Variants in SH3D21 observed in about 807,000 individuals in gnomAD.
SH3D21 encodes SH3 domain-containing protein 21.
In SH3D21, 83 loss-of-function variants were observed where a neutral mutation model predicts 82.1. That is an observed-to-expected ratio of 1.01 (90% CI 0.85 to 1.21). The LOEUF is 1.21. Among genes scored for constraint, SH3D21 ranks in the 50% most tolerant of loss-of-function variants. The probability of loss-of-function intolerance (pLI) is 0.00; values close to 1 mark genes in which losing one functional copy is unlikely to be tolerated. For missense variants in SH3D21, 980 were observed against 962.1 expected (o/e 1.02, Z -0.25); for synonymous variants, 383 against 387.8 (o/e 0.99, Z 0.15).
chr1:36,310,299 A>G (rs960456587), intron 10 of SH3D21, among the ~76,000 whole-genome samples: 2 of 152,202 alleles, frequency 1.3e-5, no homozygotes, highest in Non-Finnish European at 2.9e-5. Context: ...AAAAGTATAT[A>G]TAACACATAT....
chr1:36,329,079 C>T (rs1314559525), downstream of SH3D21: 1 of 152,288 alleles, frequency 6.6e-6, no homozygotes, highest in African/African-American at 2.4e-5. Flanking sequence ...CCCAAAGCTG[C>T]CTTTTCATAA....
At chr1:36,330,115 G>A (rs372766960), downstream of SH3D21, among the ~76,000 whole-genome samples, 1 of 152,074 alleles carries the variant, frequency 6.6e-6, no homozygotes, top group Admixed American at 6.6e-5. Context: ...CCCCCAACTC[G>A]GTTCACACAC....
downstream of SH3D21, chr1:36,322,078 G>T: frequency 7.4e-7 from 1 of 1,344,778 alleles, no homozygotes; most frequent in Non-Finnish European, 9.5e-7. Context: ...CCTCTTCATC[G>T]ACCCCAGAGA....
At chr1:36,328,508 C>A (rs192376154), downstream of SH3D21, 1 of 250,982 alleles carries the variant, frequency 4.0e-6, no homozygotes, top group Admixed American at 4.8e-5. Context: ...TGGTGGCTCA[C>A]GTCTGTAATC....
In SH3D21 at chr1:36,319,542, G is replaced by A. The variant is rs1486044605; in HGVS notation, c.1011+6G>A. 9 of 1,551,608 alleles carry A rather than the reference G, an allele frequency of 5.8e-6. No individual in the cohort carries two copies. The African/African-American group carries it at 8.2e-5, about 14-fold the overall frequency. ...AACGCTCTGTGTCCAGTCAGGTGAG[G>A]GGCGGGAGACATGGGAGAGTGGGGA... is the stretch of plus-strand genomic sequence containing the variant. On this transcript the variant is annotated splice_donor_region_variant and intron_variant, in intron 13 of 15. Transcript: ENST00000453908.
chr1:36,326,388 C>T (rs1180128051), downstream of SH3D21, among the ~76,000 whole-genome samples: 1 of 152,076 alleles, frequency 6.6e-6, no homozygotes, highest in African/African-American at 2.4e-5. Flanking sequence ...TGCACAACCA[C>T]ACCCTGCTAA....
downstream of SH3D21, chr1:36,323,101 G>T: frequency 6.4e-7 from 1 of 1,552,810 alleles, no homozygotes; most frequent in South Asian, 1.2e-5. Flanking sequence ...CCTTCTCCCA[G>T]CCTGGAGCCC....
Position 36,319,920 on chromosome 1 carries a change from G to T in SH3D21, c.1257G>T (p.Met419Ile). Residue 419 changes from methionine to isoleucine, a missense_variant, in exon 14 of 16, where the codon ATG becomes ATT. By Grantham distance (10) the Met-to-Ile change is conservative (BLOSUM62 1). Coordinates refer to ENST00000453908, the MANE Select transcript of SH3D21 (RefSeq NM_001162530.2). The stretch of plus-strand genomic sequence containing the variant: ...ACAAAGTCCCCACCCCAGAGAAGAT[G>T]GTGACTCCGGAGGACAAGGCTTCTA... The part of the protein sequence containing the change: ...APDKVPTPEK[M>I]VTPEDKASIP... The T allele has an allele frequency of 6.2e-7, 1 of 1,613,968 alleles. No homozygotes were observed. Among genetic ancestry groups the T allele is most frequent in the Non-Finnish European group, 8.5e-7 (1 of 1,179,982 alleles).
At chr1:36,327,686 G>A, downstream of SH3D21, 1 of 1,196,690 alleles carries the variant, frequency 8.4e-7, no homozygotes, top group Non-Finnish European at 1.1e-6. Flanking sequence ...TCAGAGAGAG[G>A]GACGCACATT....
downstream of SH3D21, chr1:36,322,522 G>A (rs1473504985): frequency 6.2e-7 from 1 of 1,600,910 alleles, no homozygotes; most frequent in African/African-American, 1.3e-5. Context: ...GTGTCGTCGG[G>A]GCCCAGCCGA....
At chr1:36,328,226 T>A (rs1646563870), downstream of SH3D21, 2 of 434,026 alleles carry the variant, frequency 4.6e-6, no homozygotes, top group Non-Finnish European at 9.3e-6. Flanking sequence ...GGGAGGGGAC[T>A]TGTGAGTGCT....
At chr1:36,314,213 G>C (rs1469594682) in intron 10 of SH3D21, among the ~76,000 whole-genome samples, 2 of 151,244 alleles carry the variant, frequency 1.3e-5, no homozygotes, top group East Asian at 3.9e-4. Flanking sequence ...CTGACCTCGT[G>C]ATTCACCCGC....
intron 12 of SH3D21, 26 bp downstream of exon 12, chr1:36,319,338 G>A: frequency 1.3e-6 from 2 of 1,550,828 alleles, no homozygotes; most frequent in Non-Finnish European, 1.7e-6. Flanking sequence ...CTCCAGTGCG[G>A]GGAGGACTGG....
chr1:36,309,362 A>G, intron 9 of SH3D21, 186 bp from the exon 10 acceptor site: 1 of 582,082 alleles, frequency 1.7e-6, no homozygotes, highest in Admixed American at 3.0e-5. Flanking sequence ...ACATCCAGCT[A>G]ATTTTTGTAT....
Position 36,307,016 on chromosome 1 carries a change from C to A in SH3D21, c.226+111C>A. ...GCGGCTCTGGGCGGGACCTCGGGGC[C>A]GCCCTGCGGTCTGTGATTGGTTCTC... On this transcript the variant is annotated intron_variant, in intron 3 of 15. Coordinates refer to ENST00000453908, the MANE Select transcript of SH3D21 (RefSeq NM_001162530.2). The surrounding 1 kb of genome is among the most constrained non-coding windows in gnomAD (Gnocchi z 5.4). 1 of 1,423,038 alleles carries A rather than the reference C, an allele frequency of 7.0e-7. No homozygotes were observed. Among genetic ancestry groups the A allele is most frequent in the Non-Finnish European group, 9.2e-7 (1 of 1,083,938 alleles). The allele number at this position is 1,423,038 out of a possible 1,614,324, so 88.2% of individuals were successfully genotyped here.
chr1:36,320,454 G>A lies in SH3D21; in HGVS notation c.1791G>A (p.Glu597=). 4 of 1,613,328 alleles carry A rather than the reference G, an allele frequency of 2.5e-6. No homozygotes were observed. Among genetic ancestry groups the A allele is most frequent in the Non-Finnish European group, 3.4e-6 (4 of 1,179,782 alleles). Residue 597 remains glutamate (E), a synonymous_variant, in exon 14 of 16, where the codon GAG becomes GAA. Coordinates refer to ENST00000453908, the MANE Select transcript of SH3D21 (RefSeq NM_001162530.2). ...CAGAGGAGGCACCTTCCAATGACGA[G>A]AGGACCCCTGAAGAGGAGGCGCCCC... ...TLPEEAPSND[E]RTPEEEAPPN... is the part of the protein sequence containing the mutation.
rs774381691 is a variant in SH3D21, at chr1:36,306,924, A to G, written c.226+19A>G. ...CGCCGAGGTGAGCGCAAGGGCGGGG[A>G]CGGGCGCCGGTGGGCGGGTGCACGG... On this transcript the variant is annotated intron_variant, in intron 3 of 15. Coordinates refer to ENST00000453908, the MANE Select transcript of SH3D21 (RefSeq NM_001162530.2). The surrounding 1 kb of genome is among the most constrained non-coding windows in gnomAD (Gnocchi z 4.5). The G allele has an allele frequency of 6.8e-6, 9 of 1,320,728 alleles. No homozygotes were observed. The highest frequency in any genetic ancestry group is 1.6e-5 in the African/African-American group (1 of 64,162). 81.8% of individuals were successfully genotyped at this position (1,320,728 alleles called of 1,614,324 possible). A position where few individuals can be genotyped will look rare whatever the true frequency, so the allele number is the denominator to read the frequency against.
chr1:36,316,068 C>T (rs1211811099), intron 10 of SH3D21, among the ~76,000 whole-genome samples: 1 of 152,144 alleles, frequency 6.6e-6, no homozygotes, highest in African/African-American at 2.4e-5. Flanking sequence ...GACAGTTCCA[C>T]TATCTGTTGT....
At position 36,320,484 on chromosome 1, in the gene SH3D21, C is replaced by A. The variant is rs367581865; in HGVS notation, c.1821C>A (p.Asn607Lys). The change falls in exon 14 of 16, where the codon AAC (asparagine) becomes AAA (lysine). Residue 607 changes from asparagine (N) to lysine (K), a missense_variant. Transcript: ENST00000453908. Reference sequence around the variant, plus strand: ...CCCCTGAAGAGGAGGCGCCCCCCAACGAGCAGAGGCCTCTGAGAGAGGAGG... The same window carrying A: ...CCCCTGAAGAGGAGGCGCCCCCCAAAGAGCAGAGGCCTCTGAGAGAGGAGG... ...ERTPEEEAPP[N>K]EQRPLREEVL... 1.7e-5 allele frequency: 28 copies of A among 1,613,598 alleles called. No homozygotes were observed. Among genetic ancestry groups the A allele is most frequent in the East Asian group, 2.2e-5 (1 of 44,886 alleles).
Sources: gnomAD v4.1 joint callset for allele counts (sites outside exome capture counted in the v4.1 genomes callset) on GRCh38, gnomAD v4.1.1 for gene constraint, Gnocchi (gnomAD v3.1) non-coding constraint, MANE v1.5 for transcripts, NCBI Gene and HGNC (gene_info 2026-07-23, HGNC 2026-07-21) for gene names.